The following PDE3A variants were observed in gnomAD, a reference collection of about 807,000 sequenced individuals.
The protein encoded by PDE3A is phosphodiesterase 3A, also known as cGMP-inhibited 3',5'-cyclic phosphodiesterase 3A.
In PDE3A, 43 loss-of-function variants were observed where a neutral mutation model predicts 98.3. That is an observed-to-expected ratio of 0.44 (90% CI 0.34 to 0.56). PDE3A has a LOEUF of 0.56. Ranked by LOEUF, PDE3A falls within the 20% of genes least tolerant of loss-of-function variation. PDE3A has a pLI of 0.01. For synonymous variants in PDE3A, 663 were observed against 567.9 expected (o/e 1.17, Z -2.38); for missense variants, 1,427 against 1,440.7 (o/e 0.99, Z 0.15).
chr12:20,381,949 T>C (rs1457032179), intron 1 of PDE3A, among the ~76,000 whole-genome samples: 1 of 151,904 alleles, frequency 6.6e-6, no homozygotes, highest in Non-Finnish European at 1.5e-5. Flanking sequence ...ATTATAACAG[T>C]AAATGCCCCT....
At chr12:20,386,346 T>C (rs1943804541) in intron 1 of PDE3A, among the ~76,000 whole-genome samples, 1 of 147,840 alleles carries the variant, frequency 6.8e-6, no homozygotes, top group South Asian at 2.1e-4. Context: ...TGTGATGGTA[T>C]CTCAATGTGG....
In PDE3A at chr12:20,425,669, G is replaced by C. The variant is rs1944591315; in HGVS notation, c.960+55425G>C. ...CTAAGATTGTCTATAACCTATTTCTGTGTTGCTTAGCATAGTTCTATTTAA... is the reference window on the plus strand; with the variant it reads ...CTAAGATTGTCTATAACCTATTTCTCTGTTGCTTAGCATAGTTCTATTTAA... On this transcript the variant is annotated intron_variant, in intron 1 of 15. Transcript: ENST00000359062. Among the ~76,000 whole-genome samples, 6 of 152,160 alleles carry C rather than the reference G, an allele frequency of 3.9e-5. No homozygotes were observed. The South Asian group carries it at 1.0e-3, about 26-fold the overall frequency.
intron 15 of PDE3A, among the ~76,000 whole-genome samples, chr12:20,675,594 T>G (rs749307086): frequency 6.6e-6 from 1 of 152,236 alleles, no homozygotes; most frequent in Non-Finnish European, 1.5e-5. Context: ...GGTGTGATAC[T>G]GCTTCTCAGC....
rs955890387 is a variant in PDE3A, at chr12:20,614,718, C to T, written c.1269+1018C>T. 2.0e-5 allele frequency among the ~76,000 whole-genome samples: 3 copies of T among 152,106 alleles called. 1 individual carries two copies. The highest frequency in any genetic ancestry group is 4.4e-5 in the Non-Finnish European group (3 of 68,026). ...TTAAGAGTGTTTGAGTTTTCTCTTC[C>T]AACTGAATTACCTTCTAAGATGCAC... On this transcript the variant is annotated intron_variant, in intron 3 of 15. Coordinates refer to ENST00000359062, the MANE Select transcript of PDE3A (RefSeq NM_000921.5).
In PDE3A at chr12:20,654,143, A is replaced by G; in HGVS notation, c.3122A>G (p.Glu1041Gly). 6.2e-7 allele frequency: 1 copy of G among 1,614,108 alleles called. No homozygotes were observed. The highest frequency in any genetic ancestry group is 8.5e-7 in the Non-Finnish European group (1 of 1,179,940). The change falls in exon 15 of 16, where the codon GAA becomes GGA. Residue 1041 changes from glutamate (E) to glycine (G), a missense_variant. By Grantham distance (98) the Glu-to-Gly change is moderately conservative (BLOSUM62 -2). Transcript: ENST00000359062. ...TCAGGAGATACTGATGACCCAGAAGAAGAGGAGGAAGAAGCACCAGCACCA... is the reference window on the plus strand; with the variant it reads ...TCAGGAGATACTGATGACCCAGAAGGAGAGGAGGAAGAAGCACCAGCACCA... ...DESGDTDDPE[E>G]EEEEAPAPNE...
chr12:20,677,775 C>G (rs1188777940), intron 15 of PDE3A, among the ~76,000 whole-genome samples: 1 of 151,034 alleles, frequency 6.6e-6, no homozygotes, highest in Non-Finnish European at 1.5e-5. Context: ...GAAACTTTTT[C>G]TTGAAGGTGT....
chr12:20,488,991 C>T (rs1945781536), intron 1 of PDE3A, among the ~76,000 whole-genome samples: 1 of 152,026 alleles, frequency 6.6e-6, no homozygotes. Context: ...GTAGTTTTCA[C>T]TAATAATTCT....
intron 2 of PDE3A, among the ~76,000 whole-genome samples, chr12:20,571,477 A>C (rs988014482): frequency 1.3e-5 from 2 of 152,174 alleles, no homozygotes; most frequent in African/African-American, 4.8e-5. Context: ...GATCCTTTTA[A>C]GCCCTTTACA....
At position 20,653,368 on chromosome 12, in the gene PDE3A, A is replaced by G. The variant is rs373437995; in HGVS notation, c.2926-579A>G. On this transcript the variant is annotated intron_variant, in intron 14 of 15. Coordinates refer to ENST00000359062, the MANE Select transcript of PDE3A (RefSeq NM_000921.5). ...TATTTTTAAAAAAATTGTTCTCACTATTGCATTTTTTTTTTTGAGATGGAG... is the reference window on the plus strand; with the variant it reads ...TATTTTTAAAAAAATTGTTCTCACTGTTGCATTTTTTTTTTTGAGATGGAG... Among the ~76,000 whole-genome samples, 22 of 150,578 alleles carry G rather than the reference A, an allele frequency of 1.5e-4. 1 individual carries two copies. The South Asian group carries it at 4.4e-3, about 30-fold the overall frequency.
intron 10 of PDE3A, among the ~76,000 whole-genome samples, chr12:20,645,704 T>TG (rs1944760775): frequency 6.6e-6 from 1 of 152,180 alleles, no homozygotes; most frequent in South Asian, 2.1e-4. Flanking sequence ...TGAAAGAAGT[T>TG]GAACTGCACA....
chr12:20,401,959 A>T (rs1591891032), intron 1 of PDE3A, among the ~76,000 whole-genome samples: 1 of 152,336 alleles, frequency 6.6e-6, no homozygotes, highest in East Asian at 1.9e-4. Context: ...ATGTTATCTC[A>T]TTAAATCTGA....
At chr12:20,411,163 C>T (rs1227480526) in intron 1 of PDE3A, among the ~76,000 whole-genome samples, 2 of 152,096 alleles carry the variant, frequency 1.3e-5, no homozygotes, top group Admixed American at 1.3e-4. Context: ...AGTTTACCAT[C>T]TTGGTCATTT....
At chr12:20,549,169 T>A (rs1942133466) in intron 1 of PDE3A, among the ~76,000 whole-genome samples, 1 of 152,092 alleles carries the variant, frequency 6.6e-6, no homozygotes, top group African/African-American at 2.4e-5. Flanking sequence ...TGCTGCTTAT[T>A]GTAGTCTTTC....
intron 15 of PDE3A, among the ~76,000 whole-genome samples, chr12:20,679,760 A>T (rs1035929800): frequency 2.6e-5 from 4 of 151,746 alleles, no homozygotes; most frequent in Non-Finnish European, 5.9e-5. Flanking sequence ...AACATTGCCA[A>T]ATATTAAATA....
chr12:20,373,531 T>A (rs1943516784), intron 1 of PDE3A, among the ~76,000 whole-genome samples: 1 of 152,160 alleles, frequency 6.6e-6, no homozygotes, highest in Admixed American at 6.5e-5. Context: ...AATAAAGAAC[T>A]ATAATTGGCT....
intron 2 of PDE3A, among the ~76,000 whole-genome samples, chr12:20,576,081 A>T (rs1486800745): frequency 4.6e-5 from 7 of 152,048 alleles, no homozygotes; most frequent in Admixed American, 4.6e-4. Context: ...TGCAATTCGT[A>T]ACAGGCACAT....
intron 1 of PDE3A, among the ~76,000 whole-genome samples, chr12:20,444,820 A>C (rs2120859278): frequency 6.6e-6 from 1 of 152,280 alleles, no homozygotes; most frequent in Non-Finnish European, 1.5e-5. Flanking sequence ...CAAGCCTTAA[A>C]TTGTCTGCCT....
At chr12:20,442,620 C>A (rs1944887766) in intron 1 of PDE3A, among the ~76,000 whole-genome samples, 1 of 152,146 alleles carries the variant, frequency 6.6e-6, no homozygotes, top group South Asian at 2.1e-4. Context: ...TTAGTTCACA[C>A]CACTGCAATG....
At chr12:20,384,433 A>G (rs1469233323) in intron 1 of PDE3A, among the ~76,000 whole-genome samples, 1 of 151,954 alleles carries the variant, frequency 6.6e-6, no homozygotes, top group Non-Finnish European at 1.5e-5. Context: ...TTTTAACAAG[A>G]TGAAATTTTA....
Sources: allele counts gnomAD v4.1 joint callset (sites outside exome capture counted in the v4.1 genomes callset), GRCh38; gene constraint gnomAD v4.1.1; transcripts MANE v1.5; gene names NCBI Gene and HGNC (gene_info 2026-07-23, HGNC 2026-07-21).